Variants in DYNC2I1 observed in about 807,000 individuals in gnomAD.
DYNC2I1 encodes the protein dynein 2 intermediate chain 1.
DYNC2I1 carries 89 observed loss-of-function variants against 133.4 expected under a neutral mutation model. The observed-to-expected ratio is 0.67, with a 90% CI of 0.56 to 0.80. DYNC2I1 has a LOEUF of 0.80. Among genes scored for constraint, DYNC2I1 ranks in the 30% least tolerant of loss-of-function variants. DYNC2I1 has a pLI of 0.00. For synonymous variants in DYNC2I1, 504 were observed against 484.3 expected (o/e 1.04, Z -0.54); for missense variants, 1,291 against 1,314.5 (o/e 0.98, Z 0.28).
intron 1 of DYNC2I1, 54 bp downstream of exon 1, chr7:158,856,804 CG>C: frequency 8.1e-7 from 1 of 1,230,854 alleles, no homozygotes; most frequent in Non-Finnish European, 1.0e-6. Context: ...CGGACTCCTT[CG>C]GGCGCCGCTA....
At chr7:158,894,386 A>T (rs533079620) in intron 8 of DYNC2I1, among the ~76,000 whole-genome samples, 52 of 152,342 alleles carry the variant, frequency 3.4e-4, no homozygotes, top group African/African-American at 1.0e-3. Flanking sequence ...AAGTAAAAAA[A>T]AATAATAATA....
At position 158,918,808 on chromosome 7, in the gene DYNC2I1, C is replaced by T; in HGVS notation, c.1860C>T (p.Asp620=). ...AEPSWNLRAQ[D]RALYFSDSSS... ...CCAGCTGGAATCTTAGGGCTCAAGA[C>T]AGGGCCCTGTATTTTAGTGACAGCT... Residue 620 remains aspartate (D), a synonymous_variant, in exon 15 of 25, where the codon GAC becomes GAT. Transcript: ENST00000407559. The T allele has an allele frequency of 6.2e-7, 1 of 1,613,926 alleles. No homozygotes were observed. Among genetic ancestry groups the T allele is most frequent in the Non-Finnish European group, 8.5e-7 (1 of 1,179,874 alleles).
chr7:158,951,871 G>A (rs1852062256), intron 4 of DYNC2I1, among the ~76,000 whole-genome samples: 1 of 152,198 alleles, frequency 6.6e-6, no homozygotes, highest in Non-Finnish European at 1.5e-5. Flanking sequence ...TGCCTCGGGG[G>A]ACGTGAGGGC....
At chr7:158,929,831 G>C (rs977957116) in intron 20 of DYNC2I1, among the ~76,000 whole-genome samples, 1 of 152,234 alleles carries the variant, frequency 6.6e-6, no homozygotes, top group Non-Finnish European at 1.5e-5. Context: ...ACCAGTGGGT[G>C]GCCGAGGAGC....
chr7:158,860,074 A>G (rs1841737537), intron 1 of DYNC2I1, among the ~76,000 whole-genome samples: 2 of 145,444 alleles, frequency 1.4e-5, no homozygotes, highest in East Asian at 4.1e-4. Flanking sequence ...TTTTTTTTGG[A>G]GACGAAGTCT....
At chr7:158,855,184 C>T (rs1563059143), upstream of DYNC2I1, among the ~76,000 whole-genome samples, 1 of 152,252 alleles carries the variant, frequency 6.6e-6, no homozygotes, top group Non-Finnish European at 1.5e-5. Flanking sequence ...AATCCATCTC[C>T]TTGAGCATTG....
Position 158,866,173 on chromosome 7 carries a change from G to A in DYNC2I1, c.16-3682G>A, listed in dbSNP as rs116479089. On this transcript the variant is annotated intron_variant, in intron 1 of 24. Transcript: ENST00000407559. ...TTTCACATTCTGAGCTAGTGGCCTT[G>A]TGCCTTCCCAGTGTCCCCTGAATGT... Among the ~76,000 whole-genome samples, 724 of 152,158 alleles carry A rather than the reference G, an allele frequency of 4.8e-3. 6 individuals are homozygous for A. Among genetic ancestry groups the A allele is most frequent in the African/African-American group, 0.016 (678 of 41,522 alleles).
At chr7:158,914,072 T>C (rs903302243) in intron 13 of DYNC2I1, among the ~76,000 whole-genome samples, 161 bp from the exon 14 acceptor site, 2 of 152,188 alleles carry the variant, frequency 1.3e-5, no homozygotes, top group African/African-American at 4.8e-5. Flanking sequence ...TTTTGGGGAG[T>C]TAACAGTAGT....
At chr7:158,929,543 G>A (rs1201337101) in intron 20 of DYNC2I1, among the ~76,000 whole-genome samples, 2 of 152,240 alleles carry the variant, frequency 1.3e-5, no homozygotes, top group South Asian at 2.1e-4. Flanking sequence ...GAGCCGAGAC[G>A]CCAGGTGGGG....
intron 4 of DYNC2I1, 71 bp downstream of exon 4, chr7:158,876,762 T>C (rs1017766742): frequency 5.0e-5 from 74 of 1,465,446 alleles, no homozygotes; most frequent in Non-Finnish European, 5.9e-5. Context: ...AGCATTATTG[T>C]TGGAAGCATT....
intron 23 of DYNC2I1, among the ~76,000 whole-genome samples, chr7:158,941,336 A>G (rs1392450741): frequency 2.6e-5 from 4 of 152,222 alleles, no homozygotes; most frequent in South Asian, 4.1e-4. Flanking sequence ...TTAATGGCCC[A>G]TATTTGAATC....
intron 4 of DYNC2I1, among the ~76,000 whole-genome samples, chr7:158,952,567 A>G (rs1304852902): frequency 1.1e-4 from 2 of 18,914 alleles, no homozygotes; most frequent in African/African-American, 2.8e-4. Context: ...CTAGATACTT[A>G]AAAAAATATC....
At chr7:158,941,040 G>A (rs562726716) in intron 23 of DYNC2I1, among the ~76,000 whole-genome samples, 1 of 151,984 alleles carries the variant, frequency 6.6e-6, no homozygotes, top group African/African-American at 2.4e-5. Context: ...TGAAATGAAA[G>A]GTTAGGTTTT....
downstream of DYNC2I1, among the ~76,000 whole-genome samples, chr7:158,946,350 A>T (rs189728451): frequency 6.6e-6 from 1 of 152,258 alleles, no homozygotes; most frequent in South Asian, 2.1e-4. Context: ...TGAATTTTGT[A>T]GCTCAGGTAG....
chr7:158,858,967 C>T (rs1841611427), intron 1 of DYNC2I1, among the ~76,000 whole-genome samples: 1 of 63,830 alleles, frequency 1.6e-5, no homozygotes, highest in Non-Finnish European at 3.1e-5. Context: ...CCTTTCCTCC[C>T]CTCCCCTTTC....
intron 23 of DYNC2I1, among the ~76,000 whole-genome samples, chr7:158,937,306 G>A (rs1295381951): frequency 6.6e-6 from 1 of 152,208 alleles, no homozygotes; most frequent in African/African-American, 2.4e-5. Context: ...GGAATGAATA[G>A]GTGAGATCAA....
intron 21 of DYNC2I1, among the ~76,000 whole-genome samples, chr7:158,930,747 C>T (rs1444451163): frequency 6.6e-6 from 1 of 152,136 alleles, no homozygotes; most frequent in East Asian, 1.9e-4. Flanking sequence ...TGGCTTGCTG[C>T]AAACTCTGCC....
At chr7:158,931,668 G>A (rs1044386841) in intron 21 of DYNC2I1, among the ~76,000 whole-genome samples, 7 of 152,088 alleles carry the variant, frequency 4.6e-5, no homozygotes, top group African/African-American at 7.2e-5. Flanking sequence ...TAATCTGTCC[G>A]CTGTTTGGGT....
chr7:158,948,853 GT>G (rs1851965909), downstream of DYNC2I1, among the ~76,000 whole-genome samples: 1 of 152,192 alleles, frequency 6.6e-6, no homozygotes, highest in Non-Finnish European at 1.5e-5. Flanking sequence ...GGAAATTTAA[GT>G]TTTGGGGCCT....
Sources: allele counts gnomAD v4.1 joint callset (sites outside exome capture counted in the v4.1 genomes callset), GRCh38; gene constraint gnomAD v4.1.1; transcripts MANE v1.5; gene names NCBI Gene and HGNC (gene_info 2026-07-23, HGNC 2026-07-21).